Variants in PCNX1 observed in about 807,000 individuals in gnomAD.
PCNX1 encodes pecanex-like protein 1.
PCNX1 carries 78 observed loss-of-function variants against 242.2 expected under a neutral mutation model. That is an observed-to-expected ratio of 0.32 (90% CI 0.27 to 0.39). The LOEUF is 0.39. Ranked by LOEUF, PCNX1 falls within the 10% of genes least tolerant of loss-of-function variation. PCNX1 has a pLI of 1.00. For missense variants in PCNX1, 2,581 were observed against 2,856.5 expected (o/e 0.90, Z 2.20); for synonymous variants, 1,024 against 1,032.9 (o/e 0.99, Z 0.17).
At chr14:71,037,879 T>C (rs1242836501) in intron 19 of PCNX1, among the ~76,000 whole-genome samples, 16 of 143,422 alleles carry the variant, frequency 1.1e-4, no homozygotes, top group Admixed American at 4.3e-4. Flanking sequence ...AACAGAGATA[T>C]AGATCAATGG....
chr14:70,930,444 A>G (rs9323552), intron 1 of PCNX1, among the ~76,000 whole-genome samples: 248 of 152,342 alleles, frequency 1.6e-3, no homozygotes, highest in African/African-American at 5.7e-3. Flanking sequence ...GTGATGTGGC[A>G]TAAATTTTGA....
Position 70,988,581 on chromosome 14 carries a change from G to A in PCNX1, c.2326G>A (p.Glu776Lys), listed in dbSNP as rs1032501690. The change falls in exon 7 of 36, where the codon GAG (glutamate) becomes AAG (lysine). Residue 776 changes from glutamate to lysine, a missense_variant. By Grantham distance (56) the Glu-to-Lys change is moderately conservative. Coordinates refer to ENST00000304743, the MANE Select transcript of PCNX1 (RefSeq NM_014982.3). Reference protein sequence around the residue: ...DAVSGAAQASEEAVSFRRERS... With the variant: ...DAVSGAAQASKEAVSFRRERS... The stretch of plus-strand genomic sequence containing the variant: ...TCTTGATGCAGCAGCACAAGCCAGC[G>A]AGGAGGCAGTGTCATTTCGCCGTGA... 3.1e-6 allele frequency: 5 copies of A among 1,613,928 alleles called. No homozygotes were observed. The highest frequency in any genetic ancestry group is 4.2e-6 in the Non-Finnish European group (5 of 1,179,972).
intron 12 of PCNX1, among the ~76,000 whole-genome samples, chr14:71,021,896 C>T (rs144460243): frequency 4.6e-5 from 7 of 152,114 alleles, no homozygotes; most frequent in South Asian, 2.1e-4. Flanking sequence ...GTTATCTTCT[C>T]GGTTTACAGT....
chr14:71,067,595 C>G (rs1024527757), intron 26 of PCNX1, among the ~76,000 whole-genome samples: 2 of 152,036 alleles, frequency 1.3e-5, no homozygotes, highest in Non-Finnish European at 2.9e-5. Flanking sequence ...TTTTTTGTGT[C>G]TCTGTCTCCT....
chr14:70,987,927 G>A (rs533795635), intron 6 of PCNX1, among the ~76,000 whole-genome samples: 6 of 152,316 alleles, frequency 3.9e-5, no homozygotes, highest in Non-Finnish European at 8.8e-5. Context: ...GAGGACCAGA[G>A]CCAGGGGCAT....
At chr14:71,024,818 A>G (rs1025046120) in intron 13 of PCNX1, among the ~76,000 whole-genome samples, 22 of 152,284 alleles carry the variant, frequency 1.4e-4, no homozygotes, top group African/African-American at 4.8e-4. Flanking sequence ...CCACTTCCCC[A>G]ATTGTGACAA....
intron 6 of PCNX1, among the ~76,000 whole-genome samples, chr14:70,986,217 G>C (rs547509690): frequency 5.3e-5 from 8 of 152,186 alleles, no homozygotes; most frequent in Non-Finnish European, 8.8e-5. Context: ...GTGTGATACT[G>C]TTAAAGCAGT....
intron 1 of PCNX1, among the ~76,000 whole-genome samples, chr14:70,929,568 A>G (rs1264099815): frequency 2.6e-5 from 4 of 152,216 alleles, no homozygotes; most frequent in Non-Finnish European, 5.9e-5. Flanking sequence ...GTTGGATGTC[A>G]TTAACACTTG....
intron 28 of PCNX1, chr14:71,078,856 T>A (rs2061781015): frequency 6.6e-6 from 1 of 152,226 alleles, no homozygotes; most frequent in Admixed American, 6.5e-5. Context: ...GTTTCTTTTT[T>A]AATTATTATT....
intron 8 of PCNX1, among the ~76,000 whole-genome samples, chr14:71,008,320 A>G (rs1409459066): frequency 6.6e-6 from 1 of 152,100 alleles, no homozygotes; most frequent in Admixed American, 6.5e-5. Context: ...GCATGGGAAA[A>G]TCTGACTTTT....
chr14:70,977,757 G>C lies in PCNX1; in HGVS notation c.1420G>C (p.Asp474His). Residue 474 changes from aspartate (D) to histidine (H), a missense_variant, in exon 6 of 36, where the codon GAT becomes CAT. Coordinates refer to ENST00000304743, the MANE Select transcript of PCNX1 (RefSeq NM_014982.3). ...CGAGGCCAAGGACCCCACCCCCTCT[G>C]ATGAGATGCACAACCAGAGAGGTCT... ...VHEAKDPTPS[D>H]EMHNQRGLST... 1.2e-6 allele frequency: 2 copies of C among 1,614,066 alleles called. No homozygotes were observed. Among genetic ancestry groups the C allele is most frequent in the Non-Finnish European group, 1.7e-6 (2 of 1,180,020 alleles).
intron 33 of PCNX1, among the ~76,000 whole-genome samples, chr14:71,108,024 C>G (rs1252999796): frequency 6.6e-6 from 1 of 152,110 alleles, no homozygotes; most frequent in East Asian, 1.9e-4. Flanking sequence ...ACTCTAGTCC[C>G]CAGGCTGTAC....
chr14:70,942,516 A>G (rs971598504), intron 1 of PCNX1, among the ~76,000 whole-genome samples: 2 of 152,258 alleles, frequency 1.3e-5, no homozygotes, highest in Middle Eastern at 3.4e-3. Flanking sequence ...CAGTCAACCA[A>G]TTTCTGCAGC....
At chr14:70,913,272 T>G (rs1219346462) in intron 1 of PCNX1, among the ~76,000 whole-genome samples, 1 of 152,210 alleles carries the variant, frequency 6.6e-6, no homozygotes, top group Non-Finnish European at 1.5e-5. Flanking sequence ...ACTTGTTAAC[T>G]GATGTAGAAT....
chr14:70,944,182 C>G (rs2140281125), intron 1 of PCNX1, among the ~76,000 whole-genome samples: 1 of 152,184 alleles, frequency 6.6e-6, no homozygotes, highest in Admixed American at 6.5e-5. Context: ...ATGGTAGATC[C>G]AACAGCTTGC....
intron 12 of PCNX1, among the ~76,000 whole-genome samples, chr14:71,020,774 C>A (rs1232155883): frequency 6.6e-6 from 1 of 152,110 alleles, no homozygotes; most frequent in Non-Finnish European, 1.5e-5. Flanking sequence ...AATTAGATCC[C>A]ATTTGTCTAT....
At chr14:71,012,469 GATTA>G (rs1347653911) in intron 10 of PCNX1, 3 of 161,396 alleles carry the variant, frequency 1.9e-5, no homozygotes, top group Non-Finnish European at 2.7e-5. Flanking sequence ...TAGGTTTATT[GATTA>G]ATTAACTTTG....
intron 11 of PCNX1, 141 bp from the exon 12 acceptor site, chr14:71,018,868 T>C (rs2060024004): frequency 1.6e-6 from 1 of 628,042 alleles, no homozygotes; most frequent in African/African-American, 1.9e-5. Flanking sequence ...CAGTATGATC[T>C]AAAACCTTGT....
intron 5 of PCNX1, among the ~76,000 whole-genome samples, chr14:70,972,517 T>C (rs948400005): frequency 5.3e-5 from 8 of 152,180 alleles, no homozygotes; most frequent in Non-Finnish European, 4.4e-5. Context: ...TTATGTGGCC[T>C]TTACTTCTTG....
Sources: gnomAD v4.1 joint callset for allele counts (sites outside exome capture counted in the v4.1 genomes callset) on GRCh38, gnomAD v4.1.1 for gene constraint, MANE v1.5 for transcripts, NCBI Gene and HGNC (gene_info 2026-07-23, HGNC 2026-07-21) for gene names.